The following AGTPBP1 variants were observed in gnomAD, a reference collection of about 807,000 sequenced individuals.
AGTPBP1 encodes cytosolic carboxypeptidase 1.
Under a neutral mutation model 143.9 loss-of-function variants are expected in AGTPBP1, and 70 were observed. The ratio of observed to expected loss-of-function variants is 0.49; its 90% CI spans 0.40 to 0.59. The LOEUF is 0.59. Among genes scored for constraint, AGTPBP1 ranks in the 20% least tolerant of loss-of-function variants. The pLI, the probability that AGTPBP1 is intolerant of heterozygous loss-of-function variation, is 0.00. For synonymous variants in AGTPBP1, 463 were observed against 500.2 expected (o/e 0.93, Z 0.99); for missense variants, 1,229 against 1,464.5 (o/e 0.84, Z 2.62).
chr9:85,621,323 A>G, intron 14 of AGTPBP1, 38 bp from the exon 15 acceptor site: 1 of 971,668 alleles, frequency 1.0e-6, no homozygotes, highest in Non-Finnish European at 1.4e-6. Context: ...ATATTATTAT[A>G]CACTAATGTA....
At chr9:85,588,600 C>A in intron 20 of AGTPBP1, 122 bp from the exon 21 acceptor site, 1 of 958,388 alleles carries the variant, frequency 1.0e-6, no homozygotes. Flanking sequence ...TAATAGAACC[C>A]AATGGTGCAT....
chr9:85,700,271 A>G (rs11141068), intron 2 of AGTPBP1, among the ~76,000 whole-genome samples: 37,669 of 152,080 alleles, frequency 0.25, 5,284 homozygotes, highest in East Asian at 0.53. Context: ...CAACACAACG[A>G]AAGTGTAATT....
At chr9:85,645,440 A>T (rs540955825) in intron 12 of AGTPBP1, among the ~76,000 whole-genome samples, 22 of 152,302 alleles carry the variant, frequency 1.4e-4, no homozygotes, top group Non-Finnish European at 2.6e-4. Flanking sequence ...ACATAGATGT[A>T]GTTTAGATTG....
intron 23 of AGTPBP1, among the ~76,000 whole-genome samples, chr9:85,581,590 C>T (rs1466374952): frequency 6.6e-6 from 1 of 152,284 alleles, no homozygotes; most frequent in South Asian, 2.1e-4. Flanking sequence ...GATACTCAGT[C>T]AACCAAATAA....
chr9:85,677,324 AT>A (rs1834891362), intron 6 of AGTPBP1, 111 bp downstream of exon 6: 10 of 941,652 alleles, frequency 1.1e-5, no homozygotes, highest in Non-Finnish European at 1.6e-5. Flanking sequence ...TTGTGTATCC[AT>A]AGAAATTTAA....
chr9:85,798,807 C>G, the AGTPBP1 span, among the ~76,000 whole-genome samples: 5 of 152,006 alleles, frequency 3.3e-5, no homozygotes, highest in African/African-American at 1.2e-4. Context: ...GCCTGTAGTC[C>G]CAGCTACTTG....
At chr9:85,741,719 CG>C in intron 1 of AGTPBP1, 55 bp downstream of exon 1, 4 of 1,271,534 alleles carry the variant, frequency 3.1e-6, no homozygotes, top group South Asian at 2.6e-5. Flanking sequence ...TCCCGCGGCC[CG>C]GGGAGAGCAG....
At chr9:85,558,770 C>T (rs1826511564) in intron 25 of AGTPBP1, among the ~76,000 whole-genome samples, 1 of 152,140 alleles carries the variant, frequency 6.6e-6, no homozygotes, top group Admixed American at 6.5e-5. Context: ...AGGCACCTGT[C>T]ACCAGGCCAG....
intron 1 of AGTPBP1, 37 bp from the exon 2 acceptor site, chr9:85,712,603 ACT>A (rs1837451034): frequency 8.9e-7 from 1 of 1,123,820 alleles, no homozygotes; most frequent in African/African-American, 1.6e-5. Flanking sequence ...AAAACTTATA[ACT>A]CTTTTTTCTA....
intron 2 of AGTPBP1, among the ~76,000 whole-genome samples, chr9:85,699,731 A>T (rs1006959019): frequency 5.3e-5 from 8 of 152,150 alleles, no homozygotes; most frequent in Non-Finnish European, 8.8e-5. Flanking sequence ...CTGCTCAATT[A>T]TAACTTTTAT....
In AGTPBP1 at chr9:85,632,827, T is replaced by C. The variant is rs754434402; in HGVS notation, c.1850A>G (p.Glu617Gly). 2.5e-5 allele frequency: 40 copies of C among 1,614,050 alleles called. No individual in the cohort carries two copies. Among genetic ancestry groups the C allele is most frequent in the Non-Finnish European group, 2.7e-5 (32 of 1,180,022 alleles). ...ATGGAGTGTTGGTCCATCAGGTACT[T>C]CAACCGATGCTTGTTCTACCGATGA... The part of the protein sequence containing the change: ...SNSSVEQASV[E>G]VPDGPTLHDP... Residue 617 changes from glutamate to glycine, a missense_variant, in exon 14 of 26, where the codon GAA becomes GGA. Coordinates refer to ENST00000357081, the MANE Select transcript of AGTPBP1 (RefSeq NM_001330701.2).
At chr9:85,697,854 A>G (rs976130909) in intron 2 of AGTPBP1, among the ~76,000 whole-genome samples, 4 of 152,226 alleles carry the variant, frequency 2.6e-5, no homozygotes, top group Non-Finnish European at 5.9e-5. Flanking sequence ...TCTAAAGCCA[A>G]AAAGTTTGAT....
At chr9:85,706,509 C>CAAAAAAAAA (rs781239393) in intron 2 of AGTPBP1, among the ~76,000 whole-genome samples, 1 of 62,262 alleles carries the variant, frequency 1.6e-5, no homozygotes. Flanking sequence ...GACTCTGTCT[C>CAAAAAAAAA]AAAAAAAAAA....
the AGTPBP1 span, among the ~76,000 whole-genome samples, chr9:85,780,839 G>A: frequency 1.3e-5 from 2 of 152,084 alleles, no homozygotes; most frequent in Non-Finnish European, 2.9e-5. Flanking sequence ...TTTTGCAGCC[G>A]GGCACGGTGG....
chr9:85,753,439 C>G, the AGTPBP1 span: 2 of 1,613,046 alleles, frequency 1.2e-6, no homozygotes, highest in African/African-American at 2.7e-5. Flanking sequence ...TTCTATTTAG[C>G]GTTTCCTGGT....
chr9:85,702,644 T>G (rs1310015425), intron 2 of AGTPBP1, among the ~76,000 whole-genome samples: 2 of 151,736 alleles, frequency 1.3e-5, no homozygotes, highest in Non-Finnish European at 2.9e-5. Flanking sequence ...TGGTAACGAC[T>G]CTCTGTCTCT....
At chr9:85,552,925 T>A (rs1199691944) in intron 25 of AGTPBP1, among the ~76,000 whole-genome samples, 1 of 152,230 alleles carries the variant, frequency 6.6e-6, no homozygotes, top group Non-Finnish European at 1.5e-5. Flanking sequence ...TATTGGCAAT[T>A]GGTGAATTGC....
intron 25 of AGTPBP1, among the ~76,000 whole-genome samples, chr9:85,549,409 C>T (rs888316250): frequency 1.2e-4 from 18 of 152,128 alleles, no homozygotes; most frequent in African/African-American, 3.4e-4. Context: ...CTATGGACAG[C>T]GGAATTCCAG....
At chr9:85,579,192 G>C (rs1345170006) in intron 23 of AGTPBP1, 96 bp from the exon 24 acceptor site, 6 of 1,244,692 alleles carry the variant, frequency 4.8e-6, no homozygotes, top group Non-Finnish European at 6.6e-6. Context: ...ACAGTAATTA[G>C]AGCAAAGCCA....
Sources: gnomAD v4.1 joint callset for allele counts (sites outside exome capture counted in the v4.1 genomes callset) on GRCh38, gnomAD v4.1.1 for gene constraint, MANE v1.5 for transcripts, NCBI Gene and HGNC (gene_info 2026-07-23, HGNC 2026-07-21) for gene names.